PTPN11: variants seen among roughly 807,000 people sequenced by gnomAD.
PTPN11 encodes the protein tyrosine-protein phosphatase non-receptor type 11.
A neutral mutation model predicts 78.8 loss-of-function variants in PTPN11; 6 were observed. The ratio of observed to expected loss-of-function variants is 0.08; its 90% CI spans 0.04 to 0.15. The LOEUF (loss-of-function observed/expected upper bound fraction) is 0.15. PTPN11 is among the 10% of genes least tolerant of loss of function. The pLI, the probability that PTPN11 is intolerant of heterozygous loss-of-function variation, is 1.00. For synonymous variants in PTPN11, 221 were observed against 263.5 expected, an observed-to-expected ratio of 0.84 and a Z score of 1.56; for missense variants, 386 against 744.8, an observed-to-expected ratio of 0.52 and a Z score of 5.61.
At chr12:112,421,820 G>A (rs1350388132) in intron 1 of PTPN11, among the ~76,000 whole-genome samples, 1 of 152,046 alleles carries the variant, frequency 6.6e-6, no homozygotes, top group Non-Finnish European at 1.5e-5. Context: ...TAGAGACAGG[G>A]TTTTGCCATG....
At chr12:112,443,967 T>C (rs2037949631) in intron 1 of PTPN11, among the ~76,000 whole-genome samples, 1 of 151,902 alleles carries the variant, frequency 6.6e-6, no homozygotes, top group African/African-American at 2.4e-5. Flanking sequence ...ATTTTTGCAT[T>C]TTTTGTAGAG....
At chr12:112,505,614 G>A (rs562077173) in intron 15 of PTPN11, among the ~76,000 whole-genome samples, 16 of 130,936 alleles carry the variant, frequency 1.2e-4, no homozygotes, top group East Asian at 6.4e-4. Flanking sequence ...CCAAGATCGC[G>A]CCATTGCACT....
chr12:112,505,393 A>G (rs2051801), intron 15 of PTPN11, among the ~76,000 whole-genome samples: 69,155 of 151,996 alleles, frequency 0.45, 19,905 homozygotes, highest in East Asian at 0.9. Flanking sequence ...TTATCTGGGC[A>G]TGGTGGCTCA....
rs544952384 is a variant in PTPN11, at chr12:112,487,956, G to A, written c.1380-487G>A. On this transcript the variant is annotated intron_variant, in intron 11 of 15. Transcript: ENST00000351677. ...GTGACAACATGCCTGGCTAATTTTT[G>A]TGTTTTTAGTAGAGACGAGGTTTTG... Among the ~76,000 whole-genome samples the A allele has an allele frequency of 2.2e-4, 33 of 151,936 alleles. No homozygotes were observed. The South Asian group carries it at 6.5e-3, about 30-fold the overall frequency.
Position 112,504,821 on chromosome 12 carries a change from G to A in PTPN11, c.*32+25G>A. 1 of 1,371,308 alleles carries A rather than the reference G, an allele frequency of 7.3e-7. No individual in the cohort carries two copies. The allele number at this position is 1,371,308 out of a possible 1,614,324, so 84.9% of individuals were successfully genotyped here. The stretch of plus-strand genomic sequence containing the variant: ...GGTATTTAAATGCAAGTGCTCTATT[G>A]GTTAATTGTTTATATAATTGGCAGT... On this transcript the variant is annotated intron_variant, in intron 15 of 15. Coordinates refer to ENST00000351677, the MANE Select transcript of PTPN11 (RefSeq NM_002834.5). This position sits in a 1 kb window ranked among gnomAD's most constrained non-coding sequence, Gnocchi z 4.7.
chr12:112,462,096 G>C (rs762344158), intron 6 of PTPN11, among the ~76,000 whole-genome samples: 1 of 152,126 alleles, frequency 6.6e-6, no homozygotes, highest in African/African-American at 2.4e-5. Context: ...AGTGGCTCAC[G>C]CCTATAATCC....
rs77213610 is a variant in PTPN11, at chr12:112,495,029, A to T, written c.1599+5854A>T. On this transcript the variant is annotated intron_variant, in intron 13 of 15. Transcript: ENST00000351677. ...GCATTTTCGACTAGTGATATTTTCA[A>T]CTTATGATGAGTTTATTGGGATGTA... 7.5e-3 allele frequency among the ~76,000 whole-genome samples: 1,136 copies of T among 152,280 alleles called. 16 individuals carry two copies. Among genetic ancestry groups the T allele is most frequent in the African/African-American group, 0.027 (1,101 of 41,532 alleles).
At chr12:112,422,609 T>C (rs1222741295) in intron 1 of PTPN11, among the ~76,000 whole-genome samples, 1 of 152,222 alleles carries the variant, frequency 6.6e-6, no homozygotes, top group Admixed American at 6.5e-5. Flanking sequence ...TGTCCTGGGC[T>C]CTCCCTGGTG....
intron 6 of PTPN11, among the ~76,000 whole-genome samples, chr12:112,467,194 G>A (rs2038341892): frequency 6.6e-6 from 1 of 152,152 alleles, no homozygotes; most frequent in African/African-American, 2.4e-5. Context: ...CAGTAGTGCC[G>A]TTGGGTACTC....
chr12:112,497,601 T>G (rs904679238), intron 13 of PTPN11, among the ~76,000 whole-genome samples: 2 of 152,228 alleles, frequency 1.3e-5, no homozygotes, highest in Non-Finnish European at 2.9e-5. Context: ...TTAATTAAAG[T>G]AGGTTGTACT....
chr12:112,456,185 G>C (rs1018748381), intron 6 of PTPN11, 122 bp downstream of exon 6: 2 of 733,408 alleles, frequency 2.7e-6, no homozygotes, highest in African/African-American at 3.5e-5. Context: ...TTTTTAATTC[G>C]GCCATTGATT....
Position 112,506,909 on chromosome 12 carries a change from TC to T in PTPN11, c.*1119del. 1 of 205,932 alleles carries T rather than the reference TC, an allele frequency of 4.9e-6. No individual in the cohort carries two copies. The highest frequency in any genetic ancestry group is 9.9e-6 in the Non-Finnish European group (1 of 100,600). The allele number at this position is 205,932 out of a possible 1,614,324, so 12.8% of individuals were successfully genotyped here. A position where few individuals can be genotyped will look rare whatever the true frequency, so the allele number is the denominator to read the frequency against. On this transcript the variant is annotated 3_prime_UTR_variant, in exon 16 of 16. Transcript: ENST00000351677. ...TGGCCAGGCCTTCTGAAAACTTAAGTCCAGAATTGTCACAGTGTCCCTTCTA... is the reference window on the plus strand; with the variant it reads ...TGGCCAGGCCTTCTGAAAACTTAAGTCAGAATTGTCACAGTGTCCCTTCTA...
At chr12:112,499,943 TAAA>T (rs529382859) in intron 13 of PTPN11, among the ~76,000 whole-genome samples, 10 of 117,242 alleles carry the variant, frequency 8.5e-5, no homozygotes, top group Admixed American at 1.8e-4. Flanking sequence ...CCCTGTCTCT[TAAA>T]AAAAAAAAAA....
intron 1 of PTPN11, among the ~76,000 whole-genome samples, chr12:112,442,066 C>T (rs375669998): frequency 1.7e-3 from 253 of 152,210 alleles, no homozygotes; most frequent in African/African-American, 4.8e-3. Flanking sequence ...CGTGAGCCAC[C>T]GCGCCTGCCC....
chr12:112,429,745 G>A (rs1259349993), intron 1 of PTPN11, among the ~76,000 whole-genome samples: 1 of 150,898 alleles, frequency 6.6e-6, no homozygotes, highest in African/African-American at 2.4e-5. Context: ...GGAGGTTGCA[G>A]TGAGCTGAGA....
intron 6 of PTPN11, among the ~76,000 whole-genome samples, chr12:112,466,001 A>G (rs1454551592): frequency 6.6e-6 from 1 of 152,140 alleles, no homozygotes; most frequent in African/African-American, 2.4e-5. Flanking sequence ...TTGAACACCG[A>G]CTGTATGTCT....
At chr12:112,425,690 C>T (rs188826184) in intron 1 of PTPN11, among the ~76,000 whole-genome samples, 2 of 152,076 alleles carry the variant, frequency 1.3e-5, no homozygotes, top group African/African-American at 2.4e-5. Context: ...TCAAACCCCT[C>T]CCACCCTGAA....
chr12:112,501,640 G>A (rs2038875374), intron 13 of PTPN11, among the ~76,000 whole-genome samples: 1 of 152,094 alleles, frequency 6.6e-6, no homozygotes, highest in African/African-American at 2.4e-5. Context: ...AAACAAAAAT[G>A]GTGCCAGAGT....
intron 4 of PTPN11, among the ~76,000 whole-genome samples, chr12:112,453,633 A>T (rs2135867918): frequency 6.7e-6 from 1 of 149,736 alleles, no homozygotes; most frequent in South Asian, 2.1e-4. Flanking sequence ...TTACATTCAA[A>T]GTCAGATTTT....
Sources: gnomAD v4.1 joint callset for allele counts (sites outside exome capture counted in the v4.1 genomes callset) on GRCh38, gnomAD v4.1.1 for gene constraint, Gnocchi (gnomAD v3.1) non-coding constraint, MANE v1.5 for transcripts, NCBI Gene and HGNC (gene_info 2026-07-23, HGNC 2026-07-21) for gene names.